LRRC3B: variants seen among roughly 807,000 people sequenced by gnomAD.
LRRC3B encodes leucine-rich repeat-containing protein 3B.
Under a neutral mutation model 12.8 loss-of-function variants are expected in LRRC3B, and 2 were observed. The ratio of observed to expected loss-of-function variants is 0.16; its 90% CI spans 0.06 to 0.49. The LOEUF (loss-of-function observed/expected upper bound fraction) is 0.49. Among genes scored for constraint, LRRC3B ranks in the 20% least tolerant of loss-of-function variants. The pLI is 0.96. For synonymous variants in LRRC3B, 132 were observed against 122.0 expected (o/e 1.08, Z -0.54); for missense variants, 189 against 319.4 (o/e 0.59, Z 3.11).
chr3:26,703,779 T>G (rs1231433323), intron 1 of LRRC3B, among the ~76,000 whole-genome samples: 1 of 151,786 alleles, frequency 6.6e-6, no homozygotes, highest in Non-Finnish European at 1.5e-5. Context: ...ATTCAGTCTC[T>G]CATCATGAAA....
intron 1 of LRRC3B, among the ~76,000 whole-genome samples, chr3:26,688,178 A>G (rs141650903): frequency 1.3e-5 from 2 of 152,382 alleles, no homozygotes; most frequent in African/African-American, 4.8e-5. Flanking sequence ...AGTAAAAAAT[A>G]ATTAAAATAC....
intron 1 of LRRC3B, among the ~76,000 whole-genome samples, chr3:26,667,257 C>T (rs148779226): frequency 4.6e-5 from 7 of 152,014 alleles, no homozygotes; most frequent in African/African-American, 1.7e-4. Flanking sequence ...ACTAACTGGA[C>T]TTAGTGCATT....
chr3:26,696,882 C>A (rs1344972328), intron 1 of LRRC3B, among the ~76,000 whole-genome samples: 1 of 152,142 alleles, frequency 6.6e-6, no homozygotes, highest in African/African-American at 2.4e-5. Context: ...TGTTGTTTGG[C>A]AGCTCTTTCC....
At chr3:26,694,843 A>G (rs1226735232) in intron 1 of LRRC3B, 1 of 152,190 alleles carries the variant, frequency 6.6e-6, no homozygotes, top group African/African-American at 2.4e-5. Flanking sequence ...TTGTCTATCA[A>G]TGCCTCCTGG....
chr3:26,642,407 G>T (rs550121308), intron 1 of LRRC3B, among the ~76,000 whole-genome samples: 9 of 152,280 alleles, frequency 5.9e-5, no homozygotes, highest in African/African-American at 1.9e-4. Context: ...AAAGATGAAG[G>T]CCTGCACCAA....
At chr3:26,695,783 G>C (rs1700301000) in intron 1 of LRRC3B, among the ~76,000 whole-genome samples, 1 of 152,146 alleles carries the variant, frequency 6.6e-6, no homozygotes, top group African/African-American at 2.4e-5. Context: ...TGACTTTCTG[G>C]TCTGCTCTGT....
intron 1 of LRRC3B, among the ~76,000 whole-genome samples, chr3:26,630,121 G>A (rs1354000269): frequency 6.6e-6 from 1 of 152,138 alleles, no homozygotes; most frequent in Non-Finnish European, 1.5e-5. Flanking sequence ...AAAAGAGAAT[G>A]GGAGTAATAA....
intron 1 of LRRC3B, among the ~76,000 whole-genome samples, chr3:26,677,517 A>G (rs1699884909): frequency 6.6e-6 from 1 of 152,156 alleles, no homozygotes; most frequent in Non-Finnish European, 1.5e-5. Context: ...GTATGTGAGG[A>G]AGGGATGGCC....
chr3:26,693,035 T>C (rs929361434), intron 1 of LRRC3B, among the ~76,000 whole-genome samples: 1 of 152,176 alleles, frequency 6.6e-6, no homozygotes, highest in African/African-American at 2.4e-5. Flanking sequence ...GGCAGGGTTC[T>C]AAGATCAAGA....
chr3:26,658,263 T>G (rs1228224662), intron 1 of LRRC3B, among the ~76,000 whole-genome samples: 2 of 152,140 alleles, frequency 1.3e-5, no homozygotes, highest in Non-Finnish European at 2.9e-5. Flanking sequence ...TTTCACCATG[T>G]TAGCCAGAAT....
intron 1 of LRRC3B, among the ~76,000 whole-genome samples, chr3:26,646,914 C>T (rs1699163536): frequency 6.7e-6 from 1 of 149,668 alleles, no homozygotes; most frequent in Non-Finnish European, 1.5e-5. Context: ...AGGCCTGGCC[C>T]ATTGTAAGTA....
chr3:26,668,677 T>C (rs1699658662), intron 1 of LRRC3B, among the ~76,000 whole-genome samples: 1 of 152,198 alleles, frequency 6.6e-6, no homozygotes, highest in Admixed American at 6.5e-5. Flanking sequence ...TTTTTGTTGT[T>C]TATTTTTACT....
intron 1 of LRRC3B, among the ~76,000 whole-genome samples, chr3:26,691,103 G>GCATATATATATA (rs1700181636): frequency 2.2e-5 from 1 of 44,968 alleles, no homozygotes; most frequent in Non-Finnish European, 4.2e-5. Context: ...GTGTGTGTGT[G>GCATATATATATA]TGTATATATA....
At chr3:26,655,184 T>A (rs1416177466) in intron 1 of LRRC3B, among the ~76,000 whole-genome samples, 2 of 152,194 alleles carry the variant, frequency 1.3e-5, no homozygotes, top group Non-Finnish European at 2.9e-5. Context: ...AATTGTTTCT[T>A]CTTAGATACT....
chr3:26,638,989 G>C (rs766623206), intron 1 of LRRC3B, among the ~76,000 whole-genome samples: 104 of 152,166 alleles, frequency 6.8e-4, no homozygotes, highest in Non-Finnish European at 1.2e-3. Context: ...GATTCAGAAA[G>C]GATTGCATTT....
rs181499877 is a variant in LRRC3B at position 26,677,862 on chromosome 3, G to A, written c.-160-31651G>A. ...GTCATCCAGGCTGGAGTGCTGTGGT[G>A]CGATCATGGCTCACTGCAGCCTTGA... On this transcript the variant is annotated intron_variant, in intron 1 of 1. Transcript: ENST00000396641. Among the ~76,000 whole-genome samples, 72 of 152,174 alleles carry A rather than the reference G, an allele frequency of 4.7e-4. 1 individual carries two copies. The East Asian group carries it at 0.013, about 28-fold the overall frequency.
intron 1 of LRRC3B, among the ~76,000 whole-genome samples, chr3:26,648,537 G>C (rs1016990247): frequency 6.6e-6 from 1 of 152,068 alleles, no homozygotes; most frequent in Non-Finnish European, 1.5e-5. Flanking sequence ...CTTTCAAAAT[G>C]AATACTCTCC....
chr3:26,668,427 T>C (rs1699653387), intron 1 of LRRC3B, among the ~76,000 whole-genome samples: 1 of 152,114 alleles, frequency 6.6e-6, no homozygotes, highest in African/African-American at 2.4e-5. Context: ...AGGAGTGTGA[T>C]AGGATAAATT....
chr3:26,658,585 C>T (rs1284054242), intron 1 of LRRC3B, among the ~76,000 whole-genome samples: 1 of 152,148 alleles, frequency 6.6e-6, no homozygotes, highest in Non-Finnish European at 1.5e-5. Context: ...GAGACAGGTC[C>T]TGTTCTTATC....
Sources: allele counts gnomAD v4.1 joint callset (sites outside exome capture counted in the v4.1 genomes callset), GRCh38; gene constraint gnomAD v4.1.1; transcripts MANE v1.5; gene names NCBI Gene and HGNC (gene_info 2026-07-23, HGNC 2026-07-21).